The following SEC16A variants were observed in gnomAD, a reference collection of about 807,000 sequenced individuals.
The protein encoded by SEC16A is SEC16 homolog A, endoplasmic reticulum export factor.
In SEC16A, 110 loss-of-function variants were observed where a neutral mutation model predicts 221.9. The observed-to-expected ratio is 0.50, with a 90% CI of 0.42 to 0.58. The LOEUF is 0.58. Among genes scored for constraint, SEC16A ranks in the 20% least tolerant of loss-of-function variants. The pLI, the probability that SEC16A is intolerant of heterozygous loss-of-function variation, is 0.00. For missense variants in SEC16A, 3,165 were observed against 3,097.8 expected (o/e 1.02, Z -0.52); for synonymous variants, 1,393 against 1,257.7 (o/e 1.11, Z -2.28).
Position 136,474,273 on chromosome 9 carries a change from G to T in SEC16A, c.3343C>A (p.Arg1115=). The change falls in exon 3 of 32, where the codon CGG becomes AGG. Residue 1115 remains arginine, a synonymous_variant. Transcript: ENST00000684901. ...GACACGCTAGAGGACTGAGGAGGCC[G>T]AGGGGGCAGCTGCTGACCCGCGTCG... ...LVDAGQQLPP[R]PPQSSSVSLV... is the part of the protein sequence containing the mutation. 6.2e-7 allele frequency: 1 copy of T among 1,607,630 alleles called. No homozygotes were observed. Among genetic ancestry groups the T allele is most frequent in the South Asian group, 1.1e-5 (1 of 90,458 alleles).
Position 136,474,756 on chromosome 9 carries a change from AT to A in SEC16A, c.2859del (p.Phe954LeufsTer13). The A allele has an allele frequency of 6.2e-7, 1 of 1,613,904 alleles. No individual in the cohort carries two copies. Among genetic ancestry groups the A allele is most frequent in the South Asian group, 1.1e-5 (1 of 91,086 alleles). ...KDRKAGSALP[G>X]FANSPAGSTS... ...GTGCTTCCAGCAGGGCTATTAGCAA[AT>A]CCGGGAAGAGCACTTCCTGCCTTAC... On this transcript the variant is annotated frameshift_variant, in exon 3 of 32. Transcript: ENST00000684901. LOFTEE classifies it high-confidence loss of function.
chr9:136,461,085 TC>T, intron 13 of SEC16A, 91 bp downstream of exon 13: 1 of 958,108 alleles, frequency 1.0e-6, no homozygotes, highest in Non-Finnish European at 1.6e-6. Flanking sequence ...TCAAGTGAGA[TC>T]CGCCTGCCGC....
chr9:136,483,753 T>A, upstream of SEC16A: 2 of 984,806 alleles, frequency 2.0e-6, no homozygotes, highest in Non-Finnish European at 2.4e-6. Flanking sequence ...GCGGGCGCGC[T>A]CCTCGCATTC....
Position 136,474,810 on chromosome 9 carries a change from T to G in SEC16A, c.2806A>C (p.Asn936His), listed in dbSNP as rs945175912. 1 of 1,613,924 alleles carries G rather than the reference T, an allele frequency of 6.2e-7. No individual in the cohort carries two copies. ...VQPPSQPVPE[N>H]LVPESQKDRK... Reference sequence around the variant, plus strand: ...TCCTTTTGACTTTCTGGAACCAAGTTCTCTGGAACTGGCTGGGATGGTGGT... The same window carrying G: ...TCCTTTTGACTTTCTGGAACCAAGTGCTCTGGAACTGGCTGGGATGGTGGT... The change falls in exon 3 of 32, where the codon AAC (asparagine) becomes CAC (histidine). Residue 936 changes from asparagine (N) to histidine (H), a missense_variant. Coordinates refer to ENST00000684901, the MANE Select transcript of SEC16A (RefSeq NM_014866.2).
At position 136,463,521 on chromosome 9, in the gene SEC16A, T is replaced by G. The variant is rs745395482; in HGVS notation, c.4589A>C (p.Asp1530Ala). Residue 1530 changes from aspartate (D) to alanine (A), a missense_variant, in exon 11 of 32, where the codon GAC becomes GCC. Around this residue, in one of 3 missense-constraint regions of SEC16A, gnomAD observed 1,088 missense variants for 1,089.6 expected, o/e 1.00. Coordinates refer to ENST00000684901, the MANE Select transcript of SEC16A (RefSeq NM_014866.2). ...CCAAAGAAGACTTGCAGACTCTTTG[T>G]CAATTAAGTTTTCATTCTGCAAACA... ...MKCLQNENLI[D>A]KESASLLWNF... 1.2e-6 allele frequency: 2 copies of G among 1,613,860 alleles called. No homozygotes were observed. Among genetic ancestry groups the G allele is most frequent in the African/African-American group, 1.3e-5 (1 of 75,066 alleles).
At chr9:136,480,076 T>C (rs1242339490) in intron 1 of SEC16A, among the ~76,000 whole-genome samples, 1 of 152,162 alleles carries the variant, frequency 6.6e-6, no homozygotes, top group Non-Finnish European at 1.5e-5. Context: ...AAAGGCTTCA[T>C]GGAGGTTTTA....
At chr9:136,458,879 G>GA (rs1839087836) in intron 17 of SEC16A, among the ~76,000 whole-genome samples, 3 of 152,114 alleles carry the variant, frequency 2.0e-5, no homozygotes, top group African/African-American at 7.2e-5. Context: ...TCCAGCCTGG[G>GA]CAACAGAGTG....
rs1339669874 is a variant in SEC16A, at chr9:136,474,919, A to G, written c.2697T>C (p.Pro899=). 1 of 1,613,908 alleles carries G rather than the reference A, an allele frequency of 6.2e-7. No homozygotes were observed. The change falls in exon 3 of 32, where the codon CCT becomes CCC. Residue 899 remains proline, a synonymous_variant. Transcript: ENST00000684901. ...PTSSVLSLSL[P]SSVAQSNFPQ... Reference sequence around the variant, plus strand: ...GAAAATTACTTTGGGCAACACTGCTAGGCAGAGACAAGCTAAGGACAGAGC... The same window carrying G: ...GAAAATTACTTTGGGCAACACTGCTGGGCAGAGACAAGCTAAGGACAGAGC...
Position 136,477,397 on chromosome 9 carries a change from G to A in SEC16A, c.219C>T (p.Ser73=), listed in dbSNP as rs556695402. Residue 73 remains serine, a synonymous_variant, in exon 3 of 32, where the codon AGC becomes AGT. Coordinates refer to ENST00000684901, the MANE Select transcript of SEC16A (RefSeq NM_014866.2). ...QSTPLGSSSK[S]SPPVLQGPAP... ...CTGGGCCTTGCAAGACAGGTGGACT[G>A]CTTTTGGACGAACTGCCCAGTGGTG... 5.6e-6 allele frequency: 9 copies of A among 1,614,036 alleles called. No individual in the cohort carries two copies. Among genetic ancestry groups the A allele is most frequent in the African/African-American group, 1.3e-5 (1 of 75,058 alleles).
rs566014350 is a variant in SEC16A at position 136,447,316 on chromosome 9, T to G, written c.6608A>C (p.Gln2203Pro). ...YVDVLNPSGT[Q>P]RSEPALAPAD... ...AGGAGCGAGAGCCGGCTCGCTCCGC[T>G]GGGTCCCGCTTGGGTTCAGGACGTC... Residue 2203 changes from glutamine (Q) to proline (P), a missense_variant, in exon 27 of 32, where the codon CAG (glutamine) becomes CCG (proline). Gln to Pro is a moderately conservative substitution (Grantham distance 76). This residue lies in a region of SEC16A where 1,088 missense variants were observed against 1,089.6 expected (regional missense o/e 1.00). Transcript: ENST00000684901. This position sits in a 1 kb window ranked among gnomAD's most constrained non-coding sequence, Gnocchi z 5.5. 6.3e-7 allele frequency: 1 copy of G among 1,595,034 alleles called. No individual in the cohort carries two copies. Among genetic ancestry groups the G allele is most frequent in the East Asian group, 2.3e-5 (1 of 44,020 alleles).
intron 11 of SEC16A, 121 bp downstream of exon 11, chr9:136,463,342 C>T (rs1839754203): frequency 7.4e-7 from 1 of 1,346,306 alleles, no homozygotes; most frequent in Non-Finnish European, 1.0e-6. Context: ...CCTAAGGGGG[C>T]CCTCGAGGCT....
intron 17 of SEC16A, among the ~76,000 whole-genome samples, chr9:136,458,488 C>T (rs952295064): frequency 4.0e-4 from 60 of 151,798 alleles, no homozygotes; most frequent in Admixed American, 9.8e-4. Context: ...ATTAGCCGGG[C>T]GTGGTCGTGG....
chr9:136,469,233 G>A (rs368908049), intron 4 of SEC16A, among the ~76,000 whole-genome samples: 61 of 152,252 alleles, frequency 4.0e-4, no homozygotes, highest in East Asian at 2.7e-3. Context: ...CCCTGTACCC[G>A]TGCAGGGTAC....
intron 3 of SEC16A, 88 bp downstream of exon 3, chr9:136,473,961 A>C (rs1472483856): frequency 2.8e-6 from 4 of 1,409,434 alleles, no homozygotes; most frequent in Non-Finnish European, 2.9e-6. Flanking sequence ...CAAGCGAACA[A>C]ACACTACTAA....
intron 2 of SEC16A, 129 bp from the exon 3 acceptor site, chr9:136,477,813 C>A: frequency 1.1e-6 from 1 of 914,922 alleles, no homozygotes; most frequent in Non-Finnish European, 1.6e-6. Context: ...AGGACTCTCT[C>A]TCCCCTACAC....
chr9:136,463,839 GATGGCATGGCCC>G (rs1763927019), intron 9 of SEC16A, 99 bp from the exon 10 acceptor site: 47 of 1,334,148 alleles, frequency 3.5e-5, no homozygotes, highest in Non-Finnish European at 4.9e-5. Context: ...GAGAGGAGAG[GATGGCATGGCCC>G]ACCTGCCCCG....
In SEC16A at chr9:136,446,845, A is replaced by T; in HGVS notation, c.6792+10T>A. ...GGGTACCTTTCCCCTTTCCCACCGT[A>T]CCCGCTCACCTTGGGCTCTGGGGCA... On this transcript the variant is annotated intron_variant, in intron 28 of 31. Coordinates refer to ENST00000684901, the MANE Select transcript of SEC16A (RefSeq NM_014866.2). 1 of 1,593,488 alleles carries T rather than the reference A, an allele frequency of 6.3e-7. No individual in the cohort carries two copies. The highest frequency in any genetic ancestry group is 8.5e-7 in the Non-Finnish European group (1 of 1,172,434).
At chr9:136,448,711 G>A (rs936617579) in intron 23 of SEC16A, 20 of 707,746 alleles carry the variant, frequency 2.8e-5, no homozygotes, top group East Asian at 8.1e-5. Context: ...AATGGAGGTC[G>A]GGGGCAGATC....
chr9:136,479,980 C>G (rs562232851), intron 1 of SEC16A, among the ~76,000 whole-genome samples: 9 of 150,276 alleles, frequency 6.0e-5, no homozygotes, highest in Admixed American at 3.3e-4. Flanking sequence ...CCAGCCTGGG[C>G]GACAGAGTGA....
Sources: allele counts gnomAD v4.1 joint callset (sites outside exome capture counted in the v4.1 genomes callset), GRCh38; gene constraint gnomAD v4.1.1; regional missense constraint gnomAD v4.1.1; non-coding constraint Gnocchi (gnomAD v3.1); transcripts MANE v1.5; gene names NCBI Gene and HGNC (gene_info 2026-07-23, HGNC 2026-07-21).